Variants in EXO1 observed in about 807,000 individuals in gnomAD.
EXO1 encodes exonuclease 1.
Under a neutral mutation model 84.5 loss-of-function variants are expected in EXO1, and 69 were observed. That is an observed-to-expected ratio of 0.82 (90% CI 0.67 to 1.00). EXO1 has a LOEUF of 1.00. Among genes scored for constraint, EXO1 ranks in the 50% least tolerant of loss-of-function variants. The probability of loss-of-function intolerance (pLI) is 0.00; values close to 1 mark genes in which losing one functional copy is unlikely to be tolerated. For missense variants in EXO1, 1,045 were observed against 1,000.7 expected (o/e 1.04, Z -0.60); for synonymous variants, 373 against 366.1 (o/e 1.02, Z -0.21).
At chr1:241,862,927 G>A (rs1346353556) in intron 10 of EXO1, among the ~76,000 whole-genome samples, 1 of 152,048 alleles carries the variant, frequency 6.6e-6, no homozygotes, top group Non-Finnish European at 1.5e-5. Context: ...CTAGGGTTCT[G>A]GAATATAAAG....
rs112285655 is a variant in EXO1 at position 241,864,878 on chromosome 1, C to CT, written c.1042-1937dup. ...GACAGTATTTATCATTTCTTTCTTT[C>CT]TTTTTTTTTTTTTTTAAATTTGAGA... On this transcript the variant is annotated intron_variant, in intron 10 of 15. Coordinates refer to ENST00000366548, the MANE Select transcript of EXO1 (RefSeq NM_130398.4). Among the ~76,000 whole-genome samples, 265 of 140,476 alleles carry CT rather than the reference C, an allele frequency of 1.9e-3. 1 individual carries two copies. Among genetic ancestry groups the CT allele is most frequent in the African/African-American group, 5.1e-3 (198 of 38,708 alleles). 92.2% of individuals were successfully genotyped at this position (140,476 alleles called of 152,430 possible). A position where few individuals can be genotyped will look rare whatever the true frequency, so the allele number is the denominator to read the frequency against.
Position 241,866,893 on chromosome 1 carries a change from A to G in EXO1, c.1105A>G (p.Ser369Gly). The G allele has an allele frequency of 6.2e-7, 1 of 1,614,172 alleles. No individual in the cohort carries two copies. The highest frequency in any genetic ancestry group is 8.5e-7 in the Non-Finnish European group (1 of 1,179,974). Residue 369 changes from serine to glycine, a missense_variant, in exon 11 of 16, where the codon AGC becomes GGC. Physicochemically the swap from Ser to Gly is moderately conservative, Grantham distance 56 (BLOSUM62 0). Transcript: ENST00000366548. Reference sequence around the variant, plus strand: ...ATGTCAAAAGTCAGCTAATGTTAGCAGCATTTGGCATAGGAATTACTCTCC... The same window carrying G: ...ATGTCAAAAGTCAGCTAATGTTAGCGGCATTTGGCATAGGAATTACTCTCC... Reference protein sequence around the residue: ...KTCQKSANVSSIWHRNYSPRP... With the variant: ...KTCQKSANVSGIWHRNYSPRP...
chr1:241,858,407 T>C (rs1269781340), intron 7 of EXO1, 99 bp from the exon 8 acceptor site: 7 of 757,778 alleles, frequency 9.2e-6, no homozygotes, highest in African/African-American at 5.2e-5. Flanking sequence ...TTCAGTGTTA[T>C]GGTGAAGAAC....
At chr1:241,876,044 T>G (rs1662385127) in intron 12 of EXO1, among the ~76,000 whole-genome samples, 1 of 152,018 alleles carries the variant, frequency 6.6e-6, no homozygotes, top group Non-Finnish European at 1.5e-5. Flanking sequence ...ATGAGAATGT[T>G]TGTGTGTCTC....
chr1:241,850,298 C>G (rs1660589274), intron 3 of EXO1, 111 bp from the exon 4 acceptor site: 2 of 735,102 alleles, frequency 2.7e-6, no homozygotes. Flanking sequence ...AAAAAAACAA[C>G]AAACCAATTT....
intron 14 of EXO1, among the ~76,000 whole-genome samples, chr1:241,882,947 C>CT (rs1662858661): frequency 6.6e-6 from 1 of 152,010 alleles, no homozygotes; most frequent in African/African-American, 2.4e-5. Flanking sequence ...GAACTTTAGC[C>CT]TAAGGAAACA....
chr1:241,884,684 C>T (rs1372477903), intron 14 of EXO1, among the ~76,000 whole-genome samples: 1 of 150,476 alleles, frequency 6.6e-6, no homozygotes, highest in Non-Finnish European at 1.5e-5. Context: ...TGTGCACGTG[C>T]ACGTAAGTCA....
intron 6 of EXO1, among the ~76,000 whole-genome samples, chr1:241,855,259 A>G (rs548498010): frequency 6.6e-5 from 10 of 151,068 alleles, no homozygotes; most frequent in African/African-American, 2.2e-4. Flanking sequence ...CCTGAGCTGG[A>G]CACAAAGATT....
Position 241,889,550 on chromosome 1 carries a change from A to G in EXO1, c.2491A>G (p.Ile831Val). 2 of 1,614,044 alleles carry G rather than the reference A, an allele frequency of 1.2e-6. No homozygotes were observed. The highest frequency in any genetic ancestry group is 1.7e-6 in the Non-Finnish European group (2 of 1,179,910). ...IQLTPEAEED[I>V]FNKPECGRVQ... ...ACTAACTCCAGAAGCGGAAGAGGAT[A>G]TATTTAACAAACCTGAATGTGGCCG... The change falls in exon 16 of 16, where the codon ATA (isoleucine) becomes GTA (valine). Residue 831 changes from isoleucine (I) to valine (V), a missense_variant. Coordinates refer to ENST00000366548, the MANE Select transcript of EXO1 (RefSeq NM_130398.4).
chr1:241,883,880 G>A (rs1056137273), intron 14 of EXO1, among the ~76,000 whole-genome samples: 1 of 152,124 alleles, frequency 6.6e-6, no homozygotes, highest in Non-Finnish European at 1.5e-5. Flanking sequence ...TACTTTTCCT[G>A]AAGGAGTTAT....
intron 10 of EXO1, among the ~76,000 whole-genome samples, chr1:241,866,218 A>G (rs1053115362): frequency 2.0e-4 from 31 of 152,260 alleles, no homozygotes; most frequent in Non-Finnish European, 4.0e-4. Flanking sequence ...GGTTCAAGTG[A>G]TTCTCCTGCC....
intron 14 of EXO1, among the ~76,000 whole-genome samples, chr1:241,884,193 T>C (rs1662917764): frequency 6.6e-6 from 1 of 152,226 alleles, no homozygotes; most frequent in South Asian, 2.1e-4. Context: ...CAAACATCGA[T>C]ACCTCTCCAA....
chr1:241,868,102 C>T (rs550986204), intron 11 of EXO1, among the ~76,000 whole-genome samples: 39 of 152,110 alleles, frequency 2.6e-4, no homozygotes, highest in Admixed American at 2.1e-3. Context: ...AGGCCGGGTG[C>T]GGTGGCTCAC....
intron 11 of EXO1, among the ~76,000 whole-genome samples, chr1:241,868,374 CAAAAAAAAAAA>C (rs10591886): frequency 8.6e-6 from 1 of 115,866 alleles, no homozygotes; most frequent in Non-Finnish European, 1.9e-5. Flanking sequence ...GAATCCATCT[CAAAAAAAAAAA>C]AAAAAAAAAA....
Position 241,860,656 on chromosome 1 carries a change from A to ACGCCTATGAAGATGATGTTGATC in EXO1, c.898_920dup (p.Glu308ProfsTer11). 6.2e-7 allele frequency: 1 copy of ACGCCTATGAAGATGATGTTGATC among 1,614,096 alleles called. No individual in the cohort carries two copies. Reference sequence around the variant, plus strand: ...ATCAAAAGGAAACTTATTCCTCTGAACGCCTATGAAGATGATGTTGATCCT... The same window carrying ACGCCTATGAAGATGATGTTGATC: ...ATCAAAAGGAAACTTATTCCTCTGAACGCCTATGAAGATGATGTTGATCCGCCTATGAAGATGATGTTGATCCT... On this transcript the variant is annotated frameshift_variant, in exon 9 of 16. Transcript: ENST00000366548. LOFTEE classifies it high-confidence loss of function.
At chr1:241,851,980 G>A (rs1007687819) in intron 4 of EXO1, among the ~76,000 whole-genome samples, 6 of 152,088 alleles carry the variant, frequency 3.9e-5, no homozygotes, top group Non-Finnish European at 8.8e-5. Context: ...ATAAAATGGG[G>A]GGGAAAGACC....
intron 15 of EXO1, among the ~76,000 whole-genome samples, chr1:241,888,002 A>G (rs1663162885): frequency 6.6e-6 from 1 of 152,162 alleles, no homozygotes; most frequent in South Asian, 2.1e-4. Flanking sequence ...CTTTTACTTG[A>G]GGTAAACTAT....
chr1:241,872,313 T>C (rs2148482271), intron 12 of EXO1, 35 bp downstream of exon 12: 1 of 1,605,870 alleles, frequency 6.2e-7, no homozygotes. Context: ...GATTGTCTGT[T>C]GTATTATGTA....
At chr1:241,867,259 A>G (rs1368541059) in intron 11 of EXO1, among the ~76,000 whole-genome samples, 1 of 152,220 alleles carries the variant, frequency 6.6e-6, no homozygotes, top group African/African-American at 2.4e-5. Flanking sequence ...GCACAGTTCC[A>G]TGTAGCTGGG....
Sources: allele counts gnomAD v4.1 joint callset (sites outside exome capture counted in the v4.1 genomes callset), GRCh38; gene constraint gnomAD v4.1.1; transcripts MANE v1.5; gene names NCBI Gene and HGNC (gene_info 2026-07-23, HGNC 2026-07-21).